FRYL: variants seen among roughly 807,000 people sequenced by gnomAD.
The protein encoded by FRYL is FRY like transcription coactivator.
FRYL carries 150 observed loss-of-function variants against 351.2 expected under a neutral mutation model. The observed-to-expected ratio is 0.43, with a 90% CI of 0.37 to 0.49. The LOEUF (loss-of-function observed/expected upper bound fraction) is 0.49, where lower values mean the gene tolerates loss of function less well. FRYL is among the 20% of genes least tolerant of loss of function. FRYL has a pLI of 0.00. For synonymous variants in FRYL, 1,153 were observed against 1,257.1 expected, an observed-to-expected ratio of 0.92 and a Z score of 1.75; for missense variants, 3,036 against 3,619.3, an observed-to-expected ratio of 0.84 and a Z score of 4.13.
At chr4:48,736,067 G>A (rs1291067487) in intron 1 of FRYL, among the ~76,000 whole-genome samples, 2 of 151,302 alleles carry the variant, frequency 1.3e-5, no homozygotes, top group Non-Finnish European at 2.9e-5. Context: ...AGAGAGACAG[G>A]TAGAAAAATC....
chr4:48,698,209 A>G (rs1484859913), intron 2 of FRYL, among the ~76,000 whole-genome samples: 2 of 152,228 alleles, frequency 1.3e-5, no homozygotes, highest in East Asian at 1.9e-4. Flanking sequence ...GGGAACAGGA[A>G]AGACTTCACT....
intron 44 of FRYL, among the ~76,000 whole-genome samples, 185 bp from the exon 45 acceptor site, chr4:48,542,306 T>C (rs1287393264): frequency 6.6e-6 from 1 of 152,254 alleles, no homozygotes; most frequent in African/African-American, 2.4e-5. Context: ...AAATTGATTG[T>C]AATGGTGCCA....
At chr4:48,610,679 T>A (rs1392951978) in intron 7 of FRYL, among the ~76,000 whole-genome samples, 1 of 145,974 alleles carries the variant, frequency 6.9e-6, no homozygotes, top group Non-Finnish European at 1.5e-5. Context: ...TATATTATAT[T>A]ATATATTATA....
chr4:48,621,364 T>C (rs1750612165), intron 5 of FRYL, among the ~76,000 whole-genome samples: 1 of 152,220 alleles, frequency 6.6e-6, no homozygotes, highest in South Asian at 2.1e-4. Flanking sequence ...ATGATAAGTG[T>C]ACTGTGATGA....
intron 42 of FRYL, among the ~76,000 whole-genome samples, chr4:48,545,795 A>G (rs1731205830): frequency 6.6e-6 from 1 of 152,192 alleles, no homozygotes; most frequent in Admixed American, 6.5e-5. Flanking sequence ...CTGAATGATA[A>G]TGTAGCTAAT....
chr4:48,617,582 G>A (rs1749781300), intron 7 of FRYL: 1 of 151,804 alleles, frequency 6.6e-6, no homozygotes, highest in Non-Finnish European at 1.5e-5. Flanking sequence ...TATGTTTATA[G>A]GTCTTTTTTT....
rs113067918 is a variant in FRYL at position 48,567,992 on chromosome 4, G to A, written c.2997-572C>T. 6.7e-4 allele frequency among the ~76,000 whole-genome samples: 102 copies of A among 152,320 alleles called. No individual in the cohort carries two copies. Among genetic ancestry groups the A allele is most frequent in the African/African-American group, 1.9e-3 (77 of 41,574 alleles). On this transcript the variant is annotated intron_variant, in intron 27 of 63. Coordinates refer to ENST00000358350, the MANE Select transcript of FRYL (RefSeq NM_015030.2). The surrounding 1 kb of genome is among the most constrained non-coding windows in gnomAD (Gnocchi z 4.2). ...TAAGAATATCTGCAATGTGCTGGGC[G>A]CGGTGGCTCACACCTGTAATGCCAG...
chr4:48,563,283 A>G (rs1275388647), intron 31 of FRYL, among the ~76,000 whole-genome samples: 1 of 152,054 alleles, frequency 6.6e-6, no homozygotes, highest in African/African-American at 2.4e-5. Flanking sequence ...ATGAACTAAA[A>G]AAAAAAAAAA....
intron 60 of FRYL, among the ~76,000 whole-genome samples, chr4:48,504,027 G>A (rs1160497420): frequency 3.9e-5 from 6 of 152,072 alleles, no homozygotes; most frequent in Non-Finnish European, 7.4e-5. Flanking sequence ...GTTTATGATC[G>A]TAGGAAATAA....
At chr4:48,749,546 T>A (rs182404877) in intron 1 of FRYL, among the ~76,000 whole-genome samples, 1 of 152,160 alleles carries the variant, frequency 6.6e-6, no homozygotes, top group Non-Finnish European at 1.5e-5. Flanking sequence ...TGGAAGCTCA[T>A]GGTTGTCAAG....
intron 27 of FRYL, among the ~76,000 whole-genome samples, chr4:48,570,599 A>AT (rs1350351658): frequency 2.0e-5 from 3 of 152,222 alleles, no homozygotes; most frequent in African/African-American, 7.2e-5. Context: ...CATTATATCC[A>AT]TTTTTTGCCA....
At chr4:48,568,450 A>G (rs150108444) in intron 27 of FRYL, among the ~76,000 whole-genome samples, 1 of 152,372 alleles carries the variant, frequency 6.6e-6, no homozygotes, top group Non-Finnish European at 1.5e-5. Flanking sequence ...ACTGCTATAT[A>G]CGAAAAGGCC....
At chr4:48,638,144 T>C (rs975069450) in intron 3 of FRYL, 23 of 149,770 alleles carry the variant, frequency 1.5e-4, no homozygotes, top group African/African-American at 4.4e-4. Context: ...TTTAAGGATT[T>C]AAAAAAAAAA....
At chr4:48,770,348 C>A (rs981506354) in intron 1 of FRYL, among the ~76,000 whole-genome samples, 9 of 152,102 alleles carry the variant, frequency 5.9e-5, no homozygotes, top group Admixed American at 2.6e-4. Context: ...TAAGTAGGAT[C>A]AAAAACATGG....
Position 48,540,477 on chromosome 4 carries a change from T to A in FRYL, c.6171A>T (p.Pro2057=), listed in dbSNP as rs771519974. ...CCTTAAGGAAGAGCTGCTGAAGTCC[T>A]GGAAAATTAGTCCATTTCAATTTGC... ...VQSKLKWTNF[P]GLQQLFLKGF... The change falls in exon 46 of 64, where the codon CCA becomes CCT. Residue 2057 remains proline (P), a synonymous_variant. Coordinates refer to ENST00000358350, the MANE Select transcript of FRYL (RefSeq NM_015030.2). 12 of 1,613,984 alleles carry A rather than the reference T, an allele frequency of 7.4e-6. No individual in the cohort carries two copies. The highest frequency in any genetic ancestry group is 1.7e-5 in the Admixed American group (1 of 59,990).
At chr4:48,542,974 C>T (rs765713637) in intron 44 of FRYL, among the ~76,000 whole-genome samples, 2 of 152,146 alleles carry the variant, frequency 1.3e-5, no homozygotes, top group Non-Finnish European at 2.9e-5. Flanking sequence ...CTGCCTCTTA[C>T]CAGGGCTTAC....
chr4:48,613,781 C>T (rs1464430660), intron 7 of FRYL, among the ~76,000 whole-genome samples: 1 of 151,914 alleles, frequency 6.6e-6, no homozygotes, highest in African/African-American at 2.4e-5. Flanking sequence ...CATGGTGAAA[C>T]CTCGTCTCTA....
intron 2 of FRYL, among the ~76,000 whole-genome samples, chr4:48,698,824 G>A (rs1766452467): frequency 2.0e-5 from 3 of 146,430 alleles, no homozygotes; most frequent in East Asian, 2.0e-4. Context: ...CCCACAAATA[G>A]GCTTTATTCT....
chr4:48,675,033 A>G (rs114785916), intron 3 of FRYL, among the ~76,000 whole-genome samples: 2,275 of 152,248 alleles, frequency 0.015, 33 homozygotes, highest in Middle Eastern at 0.02. Context: ...TATGACTTCA[A>G]GTTTCAATTT....
Sources: allele counts gnomAD v4.1 joint callset (sites outside exome capture counted in the v4.1 genomes callset), GRCh38; gene constraint gnomAD v4.1.1; non-coding constraint Gnocchi (gnomAD v3.1); transcripts MANE v1.5; gene names NCBI Gene and HGNC (gene_info 2026-07-23, HGNC 2026-07-21).